The following FYCO1 variants were observed in gnomAD, a reference collection of about 807,000 sequenced individuals.
FYCO1 encodes FYVE and coiled-coil domain-containing protein 1.
In FYCO1, 122 loss-of-function variants were observed where a neutral mutation model predicts 165.1. The ratio of observed to expected loss-of-function variants is 0.74; its 90% confidence interval spans 0.64 to 0.86. The LOEUF is 0.86. FYCO1 is among the 40% of genes least tolerant of loss of function. The probability of loss-of-function intolerance (pLI) is 0.00; values close to 1 mark genes in which losing one functional copy is unlikely to be tolerated. For synonymous variants in FYCO1, 648 were observed against 742.5 expected, an observed-to-expected ratio of 0.87 and a Z score of 2.07; for missense variants, 1,702 against 1,810.3, an observed-to-expected ratio of 0.94 and a Z score of 1.09.
chr3:45,928,969 G>T (rs531436070), intron 16 of FYCO1, among the ~76,000 whole-genome samples: 1 of 152,336 alleles, frequency 6.6e-6, no homozygotes, highest in East Asian at 1.9e-4. Context: ...ATAATTCCTT[G>T]TGTCTATACC....
At chr3:45,975,562 G>A (rs942799378) in intron 4 of FYCO1, among the ~76,000 whole-genome samples, 6 of 152,204 alleles carry the variant, frequency 3.9e-5, no homozygotes, top group Admixed American at 3.3e-4. Flanking sequence ...CTTCATCTGA[G>A]AATAATCTGC....
chr3:45,966,759 T>A lies in FYCO1; in HGVS notation c.2575A>T (p.Arg859Trp). Residue 859 changes from arginine to tryptophan, a missense_variant, in exon 8 of 18, where the codon AGG becomes TGG. By Grantham distance (101) the Arg-to-Trp change is moderately radical (BLOSUM62 -3). Coordinates refer to ENST00000296137, the MANE Select transcript of FYCO1 (RefSeq NM_024513.4). ...TCCCTCTGCTGGGCCTCATCGGCCC[T>A]CTCCTCCTGCAGTGCCCCTTCACGC... ...SEREGALQEERADEAQQREEE... is the reference protein window; with the variant it reads ...SEREGALQEEWADEAQQREEE... 6.2e-7 allele frequency: 1 copy of A among 1,610,502 alleles called. No individual in the cohort carries two copies. The highest frequency in any genetic ancestry group is 8.5e-7 in the Non-Finnish European group (1 of 1,179,962).
rs1381001561 is a variant in FYCO1 at position 45,981,727 on chromosome 3, C to G, written c.56-51G>C. Reference sequence around the variant, plus strand: ...TAACCAGATAGTGACTAAACTCAGACAGAGAAGCAGAAATAATCCAGGAAG... The same window carrying G: ...TAACCAGATAGTGACTAAACTCAGAGAGAGAAGCAGAAATAATCCAGGAAG... On this transcript the variant is annotated intron_variant, in intron 2 of 17. Transcript: ENST00000296137. The G allele has an allele frequency of 1.3e-5, 16 of 1,251,880 alleles. 1 individual carries two copies. The East Asian group carries it at 2.1e-4, about 16-fold the overall frequency. 77.5% of individuals were successfully genotyped at this position (1,251,880 alleles called of 1,614,324 possible). A position where few individuals can be genotyped will look rare whatever the true frequency, so the allele number is the denominator to read the frequency against.
At chr3:45,981,983 G>C (rs1434280927) in intron 2 of FYCO1, among the ~76,000 whole-genome samples, 2 of 152,184 alleles carry the variant, frequency 1.3e-5, no homozygotes, top group African/African-American at 4.8e-5. Flanking sequence ...CTGTGTGGAT[G>C]AATCAATTCA....
At chr3:45,981,237 T>C (rs1362937978) in intron 3 of FYCO1, among the ~76,000 whole-genome samples, 1 of 152,260 alleles carries the variant, frequency 6.6e-6, no homozygotes, top group Non-Finnish European at 1.5e-5. Flanking sequence ...GAAGACTCTA[T>C]AGCTTTCACT....
At chr3:45,961,333 A>T (rs1705686897) in intron 11 of FYCO1, among the ~76,000 whole-genome samples, 1 of 152,164 alleles carries the variant, frequency 6.6e-6, no homozygotes, top group South Asian at 2.1e-4. Context: ...TACTCCCAGG[A>T]CTTGGGAGGC....
intron 14 of FYCO1, among the ~76,000 whole-genome samples, chr3:45,948,589 T>C (rs1184608960): frequency 6.6e-6 from 1 of 152,248 alleles, no homozygotes; most frequent in Admixed American, 6.5e-5. Context: ...GGATGAGGCA[T>C]AGTTTTAAAT....
intron 16 of FYCO1, among the ~76,000 whole-genome samples, chr3:45,926,147 A>G (rs1703309752): frequency 6.6e-6 from 1 of 152,186 alleles, no homozygotes; most frequent in South Asian, 2.1e-4. Context: ...AAGATGGCAG[A>G]CTCAAACCTA....
At chr3:45,990,866 G>A (rs1475350149) in intron 1 of FYCO1, among the ~76,000 whole-genome samples, 1 of 152,186 alleles carries the variant, frequency 6.6e-6, no homozygotes, top group Non-Finnish European at 1.5e-5. Context: ...CCCCCTCCCA[G>A]GTTCAAGTGA....
intron 15 of FYCO1, among the ~76,000 whole-genome samples, chr3:45,933,993 TA>T (rs71095065): frequency 4.1e-4 from 62 of 149,630 alleles, no homozygotes; most frequent in African/African-American, 1.3e-3. Context: ...ATAACCAAAA[TA>T]AAAAAAAAAT....
In FYCO1 at chr3:45,981,534, C is replaced by T. The variant is rs1276846814; in HGVS notation, c.162+36G>A. ...CACCCAAGAGGGAGAAAAGAGATACCAGTGCAAAAATCAACACATTACAGG... is the reference window on the plus strand; with the variant it reads ...CACCCAAGAGGGAGAAAAGAGATACTAGTGCAAAAATCAACACATTACAGG... On this transcript the variant is annotated intron_variant, in intron 3 of 17. Coordinates refer to ENST00000296137, the MANE Select transcript of FYCO1 (RefSeq NM_024513.4). The T allele has an allele frequency of 7.1e-6, 9 of 1,264,986 alleles. No individual in the cohort carries two copies. The South Asian group carries it at 9.5e-5, about 13-fold the overall frequency. The allele number at this position is 1,264,986 out of a possible 1,614,324, so 78.4% of individuals were successfully genotyped here.
chr3:45,969,788 T>A, intron 6 of FYCO1, 23 bp from the exon 7 acceptor site: 1 of 1,602,536 alleles, frequency 6.2e-7, no homozygotes, highest in Middle Eastern at 1.7e-4. Context: ...AAAACAGACA[T>A]ACCTGTATTC....
At chr3:45,941,260 G>A (rs1407939143) in intron 14 of FYCO1, 2 of 152,204 alleles carry the variant, frequency 1.3e-5, no homozygotes, top group African/African-American at 4.8e-5. Flanking sequence ...TCTCATCCCT[G>A]AATCCTGGAA....
Position 45,962,281 on chromosome 3 carries a change from C to T in FYCO1, c.3381G>A (p.Leu1127=). ...ACTTCTTGGTTCTGTTGAGGTCATC[C>T]AGGTCAGCAAGCATCTTCTGGTCAT... ...ERNDQKMLAD[L]DDLNRTKKYL... The change falls in exon 11 of 18, where the codon CTG becomes CTA. Residue 1127 remains leucine (L), a synonymous_variant. Transcript: ENST00000296137. The surrounding 1 kb of genome is among the most constrained non-coding windows in gnomAD (Gnocchi z 4.4). The T allele has an allele frequency of 6.2e-6, 10 of 1,614,234 alleles. No individual in the cohort carries two copies. The highest frequency in any genetic ancestry group is 8.5e-6 in the Non-Finnish European group (10 of 1,180,038).
rs148594622 is a variant in FYCO1 at position 45,967,785 on chromosome 3, A to T, written c.1549T>A (p.Phe517Ile). 2.1e-4 allele frequency: 336 copies of T among 1,613,726 alleles called. No homozygotes were observed. The highest frequency in any genetic ancestry group is 2.7e-4 in the Non-Finnish European group (316 of 1,179,984). ...ACCTGTGCCAGCTGGGTCTCCAGGA[A>T]CTGCAGCTGCCGGGTCAGAGACCTG... ...EVRSLTRQLQ[F>I]LETQLAQVSQ... is the part of the protein sequence containing the mutation. Residue 517 changes from phenylalanine (F) to isoleucine (I), a missense_variant, in exon 8 of 18, where the codon TTC becomes ATC. Phe to Ile is a conservative substitution (Grantham distance 21). Transcript: ENST00000296137.
intron 14 of FYCO1, chr3:45,943,335 T>C (rs1007293611): frequency 2.0e-5 from 3 of 152,158 alleles, no homozygotes; most frequent in Admixed American, 1.3e-4. Context: ...CCCATCCATC[T>C]CTGACCCACG....
rs1703033694 is a variant in FYCO1, at chr3:45,919,946, CAGG to C, written c.*1816_*1818del. The C allele has an allele frequency of 6.6e-6, 1 of 152,202 alleles. No individual in the cohort carries two copies. Among genetic ancestry groups the C allele is most frequent in the Non-Finnish European group, 1.5e-5 (1 of 68,042 alleles). 9.4% of individuals were successfully genotyped at this position (152,202 alleles called of 1,614,324 possible). A position where few individuals can be genotyped will look rare whatever the true frequency, so the allele number is the denominator to read the frequency against. ...TACTAAGCATGGTCAGAGCCTTGGCCAGGAGAAGATGATTGAGCACCTGATGGC... is the reference window on the plus strand; with the variant it reads ...TACTAAGCATGGTCAGAGCCTTGGCCAGAAGATGATTGAGCACCTGATGGC... On this transcript the variant is annotated 3_prime_UTR_variant, in exon 18 of 18. Transcript: ENST00000296137.
chr3:45,987,612 A>G (rs1331136831), intron 1 of FYCO1, among the ~76,000 whole-genome samples: 1 of 152,358 alleles, frequency 6.6e-6, no homozygotes, highest in African/African-American at 2.4e-5. Flanking sequence ...CTGCCAACAC[A>G]GAGGAGTTTG....
At chr3:45,930,746 C>G (rs917099230) in intron 16 of FYCO1, among the ~76,000 whole-genome samples, 5 of 152,214 alleles carry the variant, frequency 3.3e-5, no homozygotes, top group African/African-American at 1.2e-4. Context: ...TTGCACAGCT[C>G]TATTAGAAAA....
Sources: gnomAD v4.1 joint callset for allele counts (sites outside exome capture counted in the v4.1 genomes callset) on GRCh38, gnomAD v4.1.1 for gene constraint, Gnocchi (gnomAD v3.1) non-coding constraint, MANE v1.5 for transcripts, NCBI Gene and HGNC (gene_info 2026-07-23, HGNC 2026-07-21) for gene names.